The following WDFY4 variants were observed in gnomAD, a reference collection of about 807,000 sequenced individuals.
WDFY4 encodes the protein WD repeat- and FYVE domain-containing protein 4.
A neutral mutation model predicts 351.9 loss-of-function variants in WDFY4; 169 were observed. That is an observed-to-expected ratio of 0.48 (90% CI 0.42 to 0.55). WDFY4 has a LOEUF of 0.55. Among genes scored for constraint, WDFY4 ranks in the 20% least tolerant of loss-of-function variants. The probability of loss-of-function intolerance (pLI) is 0.00; values close to 1 mark genes in which losing one functional copy is unlikely to be tolerated. For missense variants in WDFY4, 3,803 were observed against 3,935.6 expected (o/e 0.97, Z 0.90); for synonymous variants, 1,622 against 1,574.6 (o/e 1.03, Z -0.71).
At chr10:48,974,752 C>A in intron 57 of WDFY4, 110 bp from the exon 58 acceptor site, 1 of 1,176,456 alleles carries the variant, frequency 8.5e-7, no homozygotes, top group Non-Finnish European at 1.2e-6. Context: ...CTGACTCACT[C>A]AGAATCTCCA....
At chr10:48,946,011 T>C in intron 49 of WDFY4, 29 bp from the exon 50 acceptor site, 3 of 1,482,124 alleles carry the variant, frequency 2.0e-6, no homozygotes, top group Non-Finnish European at 2.7e-6. Context: ...GTCTGGGGAG[T>C]TAACTCCAGC....
At chr10:48,709,555 C>T (rs1481954429) in intron 1 of WDFY4, among the ~76,000 whole-genome samples, 161 bp from the exon 2 acceptor site, 1 of 152,180 alleles carries the variant, frequency 6.6e-6, no homozygotes, top group Admixed American at 6.5e-5. Flanking sequence ...AAATCTGAAT[C>T]CCCTTTTTAA....
intron 47 of WDFY4, among the ~76,000 whole-genome samples, chr10:48,912,120 G>C (rs765655495): frequency 1.3e-5 from 2 of 152,374 alleles, no homozygotes; most frequent in South Asian, 4.1e-4. Flanking sequence ...AGGTGTGAGA[G>C]TGTGGTACAC....
intron 31 of WDFY4, among the ~76,000 whole-genome samples, chr10:48,816,197 C>T (rs567903798): frequency 6.6e-5 from 10 of 152,274 alleles, no homozygotes; most frequent in East Asian, 5.8e-4. Flanking sequence ...TTTCTCCCTT[C>T]GTATTCTCAG....
chr10:48,857,481 C>T (rs1008697679), intron 39 of WDFY4, among the ~76,000 whole-genome samples: 14 of 150,326 alleles, frequency 9.3e-5, no homozygotes, highest in South Asian at 2.1e-4. Context: ...AATTTCAACA[C>T]GGGAAAAAAA....
At chr10:48,800,541 G>A (rs1260098368) in intron 24 of WDFY4, among the ~76,000 whole-genome samples, 1 of 152,042 alleles carries the variant, frequency 6.6e-6, no homozygotes, top group Non-Finnish European at 1.5e-5. Context: ...GGGACAGGAA[G>A]CTGTTGAGGC....
chr10:48,876,482 G>A (rs1341374384), intron 42 of WDFY4, among the ~76,000 whole-genome samples: 1 of 152,298 alleles, frequency 6.6e-6, no homozygotes, highest in Non-Finnish European at 1.5e-5. Context: ...ATTTTAAAAT[G>A]TCATCAGAAG....
At chr10:48,833,015 G>A (rs1214334206) in intron 39 of WDFY4, among the ~76,000 whole-genome samples, 1 of 151,930 alleles carries the variant, frequency 6.6e-6, no homozygotes, top group African/African-American at 2.4e-5. Flanking sequence ...AGGAGACACA[G>A]GGTTGGGCCA....
intron 47 of WDFY4, 93 bp from the exon 48 acceptor site, chr10:48,941,713 T>C: frequency 2.3e-6 from 3 of 1,323,516 alleles, no homozygotes; most frequent in Non-Finnish European, 3.2e-6. Context: ...CTGAACACCC[T>C]GGTCCCGTGA....
In WDFY4 at chr10:48,938,819, G is replaced by A. The variant is rs546781542; in HGVS notation, c.7587-2987G>A. 5.9e-5 allele frequency among the ~76,000 whole-genome samples: 9 copies of A among 152,338 alleles called. No homozygotes were observed. The South Asian group carries it at 1.9e-3, about 32-fold the overall frequency. The stretch of plus-strand genomic sequence containing the variant: ...GAACTACCCACGACGTCCTGATTCA[G>A]AGATAATCTTTCCATCTTTGAAGTC... On this transcript the variant is annotated intron_variant, in intron 47 of 61. Transcript: ENST00000325239.
intron 23 of WDFY4, among the ~76,000 whole-genome samples, chr10:48,795,961 C>G (rs1416824902): frequency 6.6e-6 from 1 of 152,070 alleles, no homozygotes; most frequent in Non-Finnish European, 1.5e-5. Context: ...GGTAGCTTCC[C>G]ATAAATGCAG....
intron 55 of WDFY4, 189 bp from the exon 56 acceptor site, chr10:48,968,875 C>G: frequency 1.6e-6 from 1 of 614,420 alleles, no homozygotes. Context: ...GGGTGCTGTC[C>G]TTCTGTGCAT....
chr10:48,798,455 C>T (rs1397188703), intron 24 of WDFY4, among the ~76,000 whole-genome samples: 3 of 152,010 alleles, frequency 2.0e-5, no homozygotes, highest in South Asian at 2.1e-4. Flanking sequence ...GGGGAGAATA[C>T]CACAGAAGAA....
intron 13 of WDFY4, among the ~76,000 whole-genome samples, chr10:48,766,022 A>C (rs981174782): frequency 6.6e-6 from 1 of 152,228 alleles, no homozygotes; most frequent in African/African-American, 2.4e-5. Flanking sequence ...TATGAGTTTC[A>C]AGTAACTAAA....
At chr10:48,879,450 G>A (rs1317434269) in intron 43 of WDFY4, among the ~76,000 whole-genome samples, 1 of 152,206 alleles carries the variant, frequency 6.6e-6, no homozygotes, top group Non-Finnish European at 1.5e-5. Flanking sequence ...TCTCCATATT[G>A]GTTCTTTTCA....
chr10:48,755,906 G>C (rs987041064), intron 12 of WDFY4, among the ~76,000 whole-genome samples: 1 of 152,006 alleles, frequency 6.6e-6, no homozygotes. Context: ...GAGGATTTTT[G>C]CACCTATGTT....
At chr10:48,883,125 T>G (rs2070319866) in intron 43 of WDFY4, among the ~76,000 whole-genome samples, 1 of 152,250 alleles carries the variant, frequency 6.6e-6, no homozygotes, top group African/African-American at 2.4e-5. Context: ...GTTCTTTCTC[T>G]ATAACTGTTC....
chr10:48,807,073 A>T (rs915462050), intron 27 of WDFY4, among the ~76,000 whole-genome samples: 1 of 152,206 alleles, frequency 6.6e-6, no homozygotes, highest in Non-Finnish European at 1.5e-5. Context: ...TGAGATTAGG[A>T]GCTAATTGAA....
At chr10:48,721,938 G>A (rs1302603497) in intron 4 of WDFY4, among the ~76,000 whole-genome samples, 1 of 152,186 alleles carries the variant, frequency 6.6e-6, no homozygotes, top group East Asian at 1.9e-4. Flanking sequence ...CTCGCCCAGA[G>A]ATGAGGGCTC....
Sources: gnomAD v4.1 joint callset for allele counts (sites outside exome capture counted in the v4.1 genomes callset) on GRCh38, gnomAD v4.1.1 for gene constraint, MANE v1.5 for transcripts, NCBI Gene and HGNC (gene_info 2026-07-23, HGNC 2026-07-21) for gene names.